The following KLHL22 variants were observed in gnomAD, a reference collection of about 807,000 sequenced individuals.
KLHL22 encodes the protein kelch-like protein 22.
KLHL22 carries 18 observed loss-of-function variants against 60.7 expected under a neutral mutation model. That is an observed-to-expected ratio of 0.30 (90% CI 0.20 to 0.44). The LOEUF is 0.44. Among genes scored for constraint, KLHL22 ranks in the 20% least tolerant of loss-of-function variants. The probability of loss-of-function intolerance (pLI) is 1.00; values close to 1 mark genes in which losing one functional copy is unlikely to be tolerated. For synonymous variants in KLHL22, 355 were observed against 354.5 expected, an observed-to-expected ratio of 1.00 and a Z score of -0.01; for missense variants, 596 against 852.3, an observed-to-expected ratio of 0.70 and a Z score of 3.74.
chr22:20,443,811 G>T (rs2052808647), intron 6 of KLHL22, among the ~76,000 whole-genome samples: 1 of 152,136 alleles, frequency 6.6e-6, no homozygotes, highest in Non-Finnish European at 1.5e-5. Flanking sequence ...ACTTTGGGAG[G>T]CTGAGGTGCG....
rs1030218511 is a variant in KLHL22, at chr22:20,465,055, G to A, written c.915C>T (p.Gly305=). The A allele has an allele frequency of 2.5e-6, 4 of 1,611,416 alleles. No homozygotes were observed. Among genetic ancestry groups the A allele is most frequent in the Non-Finnish European group, 3.4e-6 (4 of 1,178,400 alleles). The change falls in exon 4 of 7, where the codon GGC becomes GGT. Residue 305 remains glycine, a synonymous_variant. Coordinates refer to ENST00000328879, the MANE Select transcript of KLHL22 (RefSeq NM_032775.4). The surrounding 1 kb of genome is among the most constrained non-coding windows in gnomAD (Gnocchi z 4.9). Reference sequence around the variant, plus strand: ...GGACAGTGGACGGCGTGGAGTGAATGCCCCCGAAGCCCACAACGCACTGGA... The same window carrying A: ...GGACAGTGGACGGCGTGGAGTGAATACCCCCGAAGCCCACAACGCACTGGA... ...SDFQCVVGFG[G]IHSTPSTVLS...
rs1424102771 is a variant in KLHL22, at chr22:20,451,774, A to G, written c.1306-5098T>C. 1.2e-5 allele frequency: 19 copies of G among 1,597,270 alleles called. No individual in the cohort carries two copies. In the South Asian group the frequency reaches 1.9e-4, roughly 16 times the overall value. The stretch of plus-strand genomic sequence containing the variant: ...CAACAGCTGGGAAGTCGTGACATCC[A>G]TGGGAACCCAGCGCTGTGATGCTGG... On this transcript the variant is annotated intron_variant, in intron 5 of 6. Coordinates refer to ENST00000328879, the MANE Select transcript of KLHL22 (RefSeq NM_032775.4).
chr22:20,443,193 C>G (rs2052792527), intron 6 of KLHL22, among the ~76,000 whole-genome samples: 1 of 152,130 alleles, frequency 6.6e-6, no homozygotes, highest in Admixed American at 6.5e-5. Flanking sequence ...GTATTAAGAG[C>G]CATAAAAATC....
rs184039105 is a variant in KLHL22, at chr22:20,476,965, C to T, written c.228-5450G>A. On this transcript the variant is annotated intron_variant, in intron 2 of 6. Transcript: ENST00000328879. ...GATGTGATCCACCCACCTCGGCCTC[C>T]CATAGTGCTGGATTACAGGTGTGAG... 4.6e-3 allele frequency among the ~76,000 whole-genome samples: 691 copies of T among 151,708 alleles called. 2 individuals are homozygous for T. The highest frequency in any genetic ancestry group is 8.3e-3 in the Admixed American group (127 of 15,256).
intron 1 of KLHL22, among the ~76,000 whole-genome samples, chr22:20,490,137 G>A (rs2053659923): frequency 6.6e-6 from 1 of 152,200 alleles, no homozygotes; most frequent in African/African-American, 2.4e-5. Context: ...TGCAGGCTCT[G>A]TAGGCACAGC....
In KLHL22 at chr22:20,495,473, G is replaced by C. The variant is rs966432116; in HGVS notation, c.-34+287C>G. On this transcript the variant is annotated intron_variant, in intron 1 of 6. Coordinates refer to ENST00000328879, the MANE Select transcript of KLHL22 (RefSeq NM_032775.4). This position sits in a 1 kb window ranked among gnomAD's most constrained non-coding sequence, Gnocchi z 4.6. ...GGGCCCGCCCGGGTGCCAGGAGGCC[G>C]GCGCGCCAGCAGCCGCGCTGAGGAG... 5.9e-5 allele frequency among the ~76,000 whole-genome samples: 9 copies of C among 152,072 alleles called. No individual in the cohort carries two copies. The highest frequency in any genetic ancestry group is 1.9e-4 in the African/African-American group (8 of 41,538).
intron 2 of KLHL22, among the ~76,000 whole-genome samples, chr22:20,472,691 G>A (rs1404360419): frequency 5.9e-5 from 9 of 152,038 alleles, no homozygotes; most frequent in African/African-American, 7.2e-5. Flanking sequence ...ACACCACTGC[G>A]ATCCAGCCTG....
intron 5 of KLHL22, among the ~76,000 whole-genome samples, chr22:20,452,022 A>G (rs2052987494): frequency 6.6e-6 from 1 of 152,026 alleles, no homozygotes; most frequent in Non-Finnish European, 1.5e-5. Context: ...TGGGTAACAG[A>G]TACTCCAGGG....
intron 5 of KLHL22, among the ~76,000 whole-genome samples, chr22:20,453,146 T>C (rs2053005343): frequency 6.6e-6 from 1 of 152,108 alleles, no homozygotes; most frequent in Non-Finnish European, 1.5e-5. Flanking sequence ...TGAAATTCCA[T>C]TTTTCCCTCT....
At position 20,442,397 on chromosome 22, in the gene KLHL22, G is replaced by T; in HGVS notation, c.1581C>A (p.Val527=). Residue 527 remains valine (V), a synonymous_variant, in exon 7 of 7, where the codon GTC becomes GTA. Transcript: ENST00000328879. The part of the protein sequence containing the change: ...YSCTSGQWSS[V]CPLPAGHGEP... ...CACCGTGCCCAGCAGGGAGTGGGCAGACAGATGACCACTGTCCAGACGTGC... is the reference window on the plus strand; with the variant it reads ...CACCGTGCCCAGCAGGGAGTGGGCATACAGATGACCACTGTCCAGACGTGC... The T allele has an allele frequency of 6.2e-7, 1 of 1,612,256 alleles. No homozygotes were observed. The highest frequency in any genetic ancestry group is 1.1e-5 in the South Asian group (1 of 90,846).
Position 20,465,056 on chromosome 22 carries a change from C to T in KLHL22, c.914G>A (p.Gly305Asp), listed in dbSNP as rs1360582092. 6.2e-7 allele frequency: 1 copy of T among 1,611,276 alleles called. No homozygotes were observed. Among genetic ancestry groups the T allele is most frequent in the Non-Finnish European group, 8.5e-7 (1 of 1,178,348 alleles). The change falls in exon 4 of 7, where the codon GGC becomes GAC. Residue 305 changes from glycine (G) to aspartate (D), a missense_variant. Coordinates refer to ENST00000328879, the MANE Select transcript of KLHL22 (RefSeq NM_032775.4). This position sits in a 1 kb window ranked among gnomAD's most constrained non-coding sequence, Gnocchi z 4.9. ...GACAGTGGACGGCGTGGAGTGAATG[C>T]CCCCGAAGCCCACAACGCACTGGAA... ...SDFQCVVGFG[G>D]IHSTPSTVLS...
intron 1 of KLHL22, among the ~76,000 whole-genome samples, chr22:20,494,021 G>A (rs2053729814): frequency 6.8e-6 from 1 of 146,910 alleles, no homozygotes; most frequent in Non-Finnish European, 1.5e-5. Context: ...GGAGGTTGCA[G>A]TGAGCCAAGA....
At chr22:20,485,837 C>T (rs1470905322) in intron 2 of KLHL22, among the ~76,000 whole-genome samples, 2 of 151,488 alleles carry the variant, frequency 1.3e-5, no homozygotes, top group Admixed American at 6.6e-5. Context: ...CACTGCACTT[C>T]AGCCTGGGGG....
chr22:20,485,423 G>C (rs1488931197), intron 2 of KLHL22, among the ~76,000 whole-genome samples: 1 of 152,234 alleles, frequency 6.6e-6, no homozygotes, highest in South Asian at 2.1e-4. Context: ...AGCACAGGAG[G>C]CTTCCTGCAG....
In KLHL22 at chr22:20,471,391, T is replaced by G. The variant is rs148397291; in HGVS notation, c.352A>C (p.Ser118Arg). ...GCCACCAGTGTCTCTTGTACATTGC[T>G]CAGGCTGAGCTCCAGCTCGGAGGTG... is the stretch of plus-strand genomic sequence containing the variant. ...IYTSELELSL[S>R]NVQETLVAAC... The change falls in exon 3 of 7, where the codon AGC becomes CGC. Residue 118 changes from serine to arginine, a missense_variant. Physicochemically the swap from Ser to Arg is moderately radical, Grantham distance 110. Transcript: ENST00000328879. The G allele has an allele frequency of 3.5e-5, 56 of 1,613,908 alleles. No homozygotes were observed. The highest frequency in any genetic ancestry group is 4.2e-5 in the Non-Finnish European group (50 of 1,179,926).
chr22:20,477,188 T>C (rs2146258311), intron 2 of KLHL22, among the ~76,000 whole-genome samples: 1 of 150,426 alleles, frequency 6.6e-6, no homozygotes, highest in East Asian at 2.0e-4. Context: ...AGGCCAAGAG[T>C]TCGAGACCAG....
chr22:20,456,534 C>A (rs1010585276), intron 5 of KLHL22: 3 of 152,284 alleles, frequency 2.0e-5, no homozygotes, highest in African/African-American at 7.2e-5. Context: ...CCCCCAACAC[C>A]CTTCCTGGAA....
In KLHL22 at chr22:20,450,571, C is replaced by G. The variant is rs2052960963; in HGVS notation, c.1306-3895G>C. 2.5e-6 allele frequency: 4 copies of G among 1,611,290 alleles called. No individual in the cohort carries two copies. In the East Asian group the frequency reaches 8.9e-5, roughly 36 times the overall value. On this transcript the variant is annotated intron_variant, in intron 5 of 6. Coordinates refer to ENST00000328879, the MANE Select transcript of KLHL22 (RefSeq NM_032775.4). ...AACCCACAATTGTGTTGACCTGACA[C>G]AAGCAGCTGAGGTTTTTAGCCAGAA... is the stretch of plus-strand genomic sequence containing the variant.
chr22:20,473,354 T>C (rs1168904689), intron 2 of KLHL22, among the ~76,000 whole-genome samples: 3 of 152,042 alleles, frequency 2.0e-5, no homozygotes, highest in Non-Finnish European at 4.4e-5. Context: ...CCTTTACTGA[T>C]GGAAGAAAAT....
Sources: gnomAD v4.1 joint callset for allele counts (sites outside exome capture counted in the v4.1 genomes callset) on GRCh38, gnomAD v4.1.1 for gene constraint, Gnocchi (gnomAD v3.1) non-coding constraint, MANE v1.5 for transcripts, NCBI Gene and HGNC (gene_info 2026-07-23, HGNC 2026-07-21) for gene names.